DIAPH2: variants seen among roughly 807,000 people sequenced by gnomAD.
DIAPH2 encodes protein diaphanous homolog 2.
In DIAPH2, 35 loss-of-function variants were observed where a neutral mutation model predicts 92.7. That is an observed-to-expected ratio of 0.38 (90% confidence interval 0.29 to 0.50). The LOEUF is 0.50. Among genes scored for constraint, DIAPH2 ranks in the 20% least tolerant of loss-of-function variants. DIAPH2 has a pLI of 0.94. For missense variants in DIAPH2, 701 were observed against 819.5 expected (o/e 0.86, Z 1.77); for synonymous variants, 301 against 280.4 (o/e 1.07, Z -0.73).
chrX:96,850,678 T>C (rs890759019), intron 4 of DIAPH2, among the ~76,000 whole-genome samples: 3 of 112,031 alleles, frequency 2.7e-5, no homozygotes, highest in African/African-American at 9.7e-5. Flanking sequence ...AGAAGCTCCT[T>C]GAGTTTCACC....
At chrX:97,049,574 TG>T (rs2066506412) in intron 17 of DIAPH2, among the ~76,000 whole-genome samples, 1 of 111,433 alleles carries the variant, frequency 9.0e-6, no homozygotes, top group South Asian at 3.7e-4. Context: ...AGTTCTTTGA[TG>T]TTTTTAAAAA....
Position 97,238,765 on chromosome X carries a change from C to T in DIAPH2, c.2720-8950C>T, listed in dbSNP as rs2068068985. On this transcript the variant is annotated intron_variant, in intron 22 of 26. Transcript: ENST00000324765. ...GGTACAGCGTTCATGTAAAATGAAA[C>T]TACCTTATAAATGCACTTGAGAAAG... Among the ~76,000 whole-genome samples the T allele has an allele frequency of 3.6e-5, 4 of 111,669 alleles. No individual in the cohort carries two copies. The South Asian group carries it at 1.5e-3, about 42-fold the overall frequency.
intron 22 of DIAPH2, among the ~76,000 whole-genome samples, chrX:97,245,760 TC>T (rs2068136199): frequency 9.0e-6 from 1 of 111,521 alleles, no homozygotes. Context: ...AGATAGTCCT[TC>T]CTGCAGGTGT....
intron 22 of DIAPH2, among the ~76,000 whole-genome samples, chrX:97,221,518 T>C (rs2067924855): frequency 8.9e-6 from 1 of 111,901 alleles, no homozygotes; most frequent in South Asian, 3.7e-4. Context: ...TATATATAAT[T>C]TTCCAAATCT....
At chrX:96,899,450 G>T (rs1265385828) in intron 5 of DIAPH2, among the ~76,000 whole-genome samples, 2 of 110,949 alleles carry the variant, frequency 1.8e-5, no homozygotes, top group Non-Finnish European at 3.8e-5. Context: ...CACATCCCTT[G>T]TAAGTTGGAT....
intron 22 of DIAPH2, among the ~76,000 whole-genome samples, chrX:97,245,493 G>A (rs904683634): frequency 1.8e-5 from 2 of 110,044 alleles, no homozygotes; most frequent in Non-Finnish European, 1.9e-5. Context: ...GGCTGCTCTC[G>A]AACTCCTGGG....
intron 26 of DIAPH2, among the ~76,000 whole-genome samples, chrX:97,488,244 C>T (rs1376253090): frequency 1.8e-5 from 2 of 111,983 alleles, no homozygotes; most frequent in African/African-American, 6.5e-5. Context: ...CTGCCTGCCT[C>T]GGCCTCCCAA....
Position 97,332,928 on chromosome X carries a change from C to T in DIAPH2, c.2845-15188C>T, listed in dbSNP as rs907121058. 3.0e-4 allele frequency among the ~76,000 whole-genome samples: 34 copies of T among 112,008 alleles called. 1 individual carries two copies. Among genetic ancestry groups the T allele is most frequent in the African/African-American group, 9.7e-4 (30 of 30,908 alleles). On this transcript the variant is annotated intron_variant, in intron 23 of 26. Coordinates refer to ENST00000324765, the MANE Select transcript of DIAPH2 (RefSeq NM_006729.5). ...TCACTGTTCAATAAAACTAGATTCC[C>T]CAGGGACCTTCCCTTTGGCAAAATT...
chrX:96,942,219 T>A (rs894048136), intron 13 of DIAPH2, 83 bp downstream of exon 13: 57 of 573,751 alleles, frequency 9.9e-5, no homozygotes, highest in Admixed American at 2.9e-4. Context: ...AGAAGTTCAG[T>A]AAGAAGCTTC....
At chrX:96,699,617 AT>A (rs1043782659) in intron 1 of DIAPH2, among the ~76,000 whole-genome samples, 1 of 112,048 alleles carries the variant, frequency 8.9e-6, no homozygotes, top group African/African-American at 3.2e-5. Context: ...CATTTTGTAT[AT>A]TTAGTGTGAA....
intron 26 of DIAPH2, among the ~76,000 whole-genome samples, chrX:97,587,679 G>A (rs1328457638): frequency 2.7e-5 from 3 of 111,766 alleles, no homozygotes; most frequent in African/African-American, 9.8e-5. Context: ...ACTAAAAAAT[G>A]TCATAGTACC....
intron 26 of DIAPH2, among the ~76,000 whole-genome samples, chrX:97,534,269 T>C (rs1376757007): frequency 9.0e-6 from 1 of 110,960 alleles, no homozygotes; most frequent in Non-Finnish European, 1.9e-5. Flanking sequence ...ATTTATATAT[T>C]TTTATTCTTT....
intron 4 of DIAPH2, among the ~76,000 whole-genome samples, chrX:96,829,768 T>A (rs976841821): frequency 3.2e-4 from 36 of 111,520 alleles, no homozygotes; most frequent in Non-Finnish European, 1.9e-4. Context: ...TTGCTGGGAT[T>A]ATAGGCGGGA....
chrX:97,054,840 GTGTAGAAGAAAT>G (rs1420339804), intron 17 of DIAPH2, among the ~76,000 whole-genome samples: 15 of 110,725 alleles, frequency 1.4e-4, no homozygotes, highest in Non-Finnish European at 2.1e-4. Flanking sequence ...AGTAATGAAT[GTGTAGAAGAAAT>G]TGGAGTAAAG....
intron 22 of DIAPH2, among the ~76,000 whole-genome samples, chrX:97,190,980 C>G (rs182822130): frequency 5.2e-4 from 57 of 110,566 alleles, no homozygotes; most frequent in African/African-American, 1.8e-3. Flanking sequence ...CCACCTAATT[C>G]TGTGTGCAGT....
chrX:97,343,528 G>T (rs2069130043), intron 23 of DIAPH2, among the ~76,000 whole-genome samples: 1 of 111,031 alleles, frequency 9.0e-6, no homozygotes, highest in Admixed American at 9.6e-5. Flanking sequence ...AATTAGCTGG[G>T]CATGGTGGCA....
chrX:96,920,980 A>C (rs894787135), intron 9 of DIAPH2, among the ~76,000 whole-genome samples: 1 of 112,147 alleles, frequency 8.9e-6, no homozygotes, highest in Non-Finnish European at 1.9e-5. Context: ...TAAAAGTTCA[A>C]AAATACATGC....
At chrX:97,503,546 A>G (rs1161560898) in intron 26 of DIAPH2, among the ~76,000 whole-genome samples, 1 of 112,101 alleles carries the variant, frequency 8.9e-6, no homozygotes, top group African/African-American at 3.2e-5. Flanking sequence ...ACTATAATGC[A>G]GATTTCTTGA....
intron 23 of DIAPH2, among the ~76,000 whole-genome samples, chrX:97,274,587 A>G (rs1033848882): frequency 7.3e-5 from 8 of 110,002 alleles, no homozygotes; most frequent in African/African-American, 2.6e-4. Context: ...GTCAACATAT[A>G]AAGGACTATT....
Sources: gnomAD v4.1 joint callset for allele counts (sites outside exome capture counted in the v4.1 genomes callset) on GRCh38, gnomAD v4.1.1 for gene constraint, MANE v1.5 for transcripts, NCBI Gene and HGNC (gene_info 2026-07-23, HGNC 2026-07-21) for gene names.